CADM2: variants seen among roughly 807,000 people sequenced by gnomAD.
CADM2 encodes the protein immunoglobulin superfamily member 4D.
In CADM2, 12 loss-of-function variants were observed where a neutral mutation model predicts 49.8. The ratio of observed to expected loss-of-function variants is 0.24; its 90% CI spans 0.15 to 0.39. The LOEUF is 0.39. Among genes scored for constraint, CADM2 ranks in the 10% least tolerant of loss-of-function variants. The pLI is 1.00. For missense variants in CADM2, 378 were observed against 492.3 expected (o/e 0.77, Z 2.20); for synonymous variants, 214 against 175.4 (o/e 1.22, Z -1.74).
intron 1 of CADM2, among the ~76,000 whole-genome samples, chr3:85,548,448 A>G (rs903268854): frequency 1.3e-5 from 2 of 151,936 alleles, no homozygotes; most frequent in African/African-American, 4.8e-5. Flanking sequence ...AGAAATTTGC[A>G]GTAGTAAGAG....
At chr3:85,063,282 A>T (rs180689811) in intron 1 of CADM2, among the ~76,000 whole-genome samples, 7 of 152,118 alleles carry the variant, frequency 4.6e-5, no homozygotes, top group Non-Finnish European at 1.0e-4. Context: ...TTTTTAACTA[A>T]TAATTTAAAT....
chr3:85,180,887 C>T (rs1327455317), intron 1 of CADM2, among the ~76,000 whole-genome samples: 5 of 152,112 alleles, frequency 3.3e-5, no homozygotes, highest in Non-Finnish European at 7.4e-5. Flanking sequence ...GACATAGAGA[C>T]GTGTCCTTAG....
chr3:86,054,938 G>C (rs1174295507), intron 8 of CADM2, among the ~76,000 whole-genome samples: 1 of 151,882 alleles, frequency 6.6e-6, no homozygotes, highest in Non-Finnish European at 1.5e-5. Context: ...TATGTGTGTG[G>C]ACAGAGAACA....
chr3:85,629,407 A>C lies in CADM2; in HGVS notation c.62-97115A>C, dbSNP rs1472739449. Reference sequence around the variant, plus strand: ...ACGGATATAGCATGCATGCACACACACACACAGAGATATCTAATCAATAAT... The same window carrying C: ...ACGGATATAGCATGCATGCACACACCCACACAGAGATATCTAATCAATAAT... On this transcript the variant is annotated intron_variant, in intron 1 of 9. Coordinates refer to ENST00000383699, the MANE Select transcript of CADM2 (RefSeq NM_001167675.2). Among the ~76,000 whole-genome samples the C allele has an allele frequency of 3.3e-5, 5 of 152,060 alleles. No individual in the cohort carries two copies. The East Asian group carries it at 9.6e-4, about 29-fold the overall frequency.
At chr3:85,503,497 G>T (rs2040198966) in intron 1 of CADM2, among the ~76,000 whole-genome samples, 1 of 152,180 alleles carries the variant, frequency 6.6e-6, no homozygotes, top group Non-Finnish European at 1.5e-5. Context: ...TTATTTGAAT[G>T]TAACACAATC....
At chr3:85,878,119 A>G (rs929399547) in intron 3 of CADM2, among the ~76,000 whole-genome samples, 2 of 152,158 alleles carry the variant, frequency 1.3e-5, no homozygotes, top group Non-Finnish European at 2.9e-5. Flanking sequence ...TGCTTAGCCA[A>G]TAAACTATTA....
At chr3:85,992,621 T>A (rs989433139) in intron 8 of CADM2, 1 of 152,178 alleles carries the variant, frequency 6.6e-6, no homozygotes, top group South Asian at 2.1e-4. Context: ...TCTTAGTGCA[T>A]ATAAAAGTTA....
intron 1 of CADM2, among the ~76,000 whole-genome samples, chr3:85,551,621 G>C (rs62253970): frequency 0.51 from 77,740 of 151,768 alleles, 22,958 homozygotes; most frequent in East Asian, 0.85. Flanking sequence ...TAAAGAAACT[G>C]TTTCATTCTT....
chr3:85,428,497 C>T (rs1429016962), intron 1 of CADM2, among the ~76,000 whole-genome samples: 2 of 144,158 alleles, frequency 1.4e-5, no homozygotes, highest in Non-Finnish European at 3.0e-5. Context: ...ACATATTCCC[C>T]TATGGGGATA....
chr3:85,139,226 G>A (rs1464086600), intron 1 of CADM2, among the ~76,000 whole-genome samples: 1 of 152,092 alleles, frequency 6.6e-6, no homozygotes, highest in East Asian at 1.9e-4. Context: ...CTGTGTATAT[G>A]CGTTTCAATA....
At chr3:85,924,983 A>C (rs1407947796) in intron 6 of CADM2, among the ~76,000 whole-genome samples, 1 of 152,202 alleles carries the variant, frequency 6.6e-6, no homozygotes, top group Non-Finnish European at 1.5e-5. Flanking sequence ...CCTCATATAT[A>C]GCCAACATTC....
At chr3:85,922,519 C>G (rs1016983706) in intron 6 of CADM2, among the ~76,000 whole-genome samples, 3 of 151,912 alleles carry the variant, frequency 2.0e-5, no homozygotes, top group African/African-American at 4.8e-5. Flanking sequence ...TTTTTATTAT[C>G]TATTTCTCTG....
At chr3:86,013,135 G>A (rs758818783) in intron 8 of CADM2, 7 of 1,338,754 alleles carry the variant, frequency 5.2e-6, no homozygotes, top group Non-Finnish European at 7.5e-6. Flanking sequence ...AACCACGTAA[G>A]TAGACACAGA....
intron 1 of CADM2, among the ~76,000 whole-genome samples, chr3:85,561,011 T>C (rs748689051): frequency 2.0e-5 from 3 of 152,214 alleles, no homozygotes; most frequent in Non-Finnish European, 4.4e-5. Flanking sequence ...ATTAATGGTT[T>C]TGCTTACTGT....
intron 1 of CADM2, among the ~76,000 whole-genome samples, chr3:85,510,631 T>C (rs1394608956): frequency 6.6e-6 from 1 of 152,086 alleles, no homozygotes; most frequent in African/African-American, 2.4e-5. Context: ...AATAAACCAA[T>C]ATACCTATGT....
intron 6 of CADM2, among the ~76,000 whole-genome samples, chr3:85,929,423 C>G (rs1052779777): frequency 1.3e-5 from 2 of 151,486 alleles, no homozygotes; most frequent in Non-Finnish European, 2.9e-5. Flanking sequence ...ACTTTTTTTT[C>G]TAAATCTAGT....
chr3:85,817,899 A>C (rs1339224117), intron 3 of CADM2, among the ~76,000 whole-genome samples: 2 of 152,150 alleles, frequency 1.3e-5, no homozygotes, highest in Non-Finnish European at 2.9e-5. Context: ...GTGTAGGCTG[A>C]AACTCTTATC....
intron 1 of CADM2, among the ~76,000 whole-genome samples, chr3:85,374,541 C>T (rs1028009806): frequency 7.2e-5 from 11 of 152,088 alleles, no homozygotes; most frequent in African/African-American, 2.7e-4. Context: ...ATGGCAGTAC[C>T]CCATCTACCG....
intron 8 of CADM2, among the ~76,000 whole-genome samples, chr3:86,024,070 C>A (rs1412268199): frequency 1.3e-5 from 2 of 152,198 alleles, no homozygotes; most frequent in Non-Finnish European, 2.9e-5. Flanking sequence ...ACAATTTGAT[C>A]AACTGAATCG....
Sources: allele counts gnomAD v4.1 joint callset (sites outside exome capture counted in the v4.1 genomes callset), GRCh38; gene constraint gnomAD v4.1.1; transcripts MANE v1.5; gene names NCBI Gene and HGNC (gene_info 2026-07-23, HGNC 2026-07-21).